The following P2RY2 variants were observed in gnomAD, a reference collection of about 807,000 sequenced individuals.
P2RY2 encodes the protein P2Y purinoceptor 2.
For missense variants in P2RY2, 567 were observed against 515.7 expected, an observed-to-expected ratio of 1.10 and a Z score of -0.96; for synonymous variants, 241 against 231.9, an observed-to-expected ratio of 1.04 and a Z score of -0.35.
At position 73,234,722 on chromosome 11, in the gene P2RY2, C is replaced by T. The variant is rs758215845; in HGVS notation, c.563C>T (p.Ala188Val). ...CGCGTAACCTGCCACGACACCTCGG[C>T]ACCCGAGCTCTTCAGCCGCTTCGTG... ...GGRVTCHDTS[A>V]PELFSRFVAY... The change falls in exon 3 of 3, where the codon GCA becomes GTA. Residue 188 changes from alanine to valine, a missense_variant. Physicochemically the swap from Ala to Val is moderately conservative, Grantham distance 64. Transcript: ENST00000393597. 1 of 1,608,944 alleles carries T rather than the reference C, an allele frequency of 6.2e-7. No individual in the cohort carries two copies. Among genetic ancestry groups the T allele is most frequent in the Non-Finnish European group, 8.5e-7 (1 of 1,179,484 alleles).
chr11:73,234,163 G>A lies in P2RY2; in HGVS notation c.4G>A (p.Ala2Thr). Reference sequence around the variant, plus strand: ...CCCCTCCCTTCCCTGCAGGGCGATGGCAGCAGACCTGGGCCCCTGGAATGA... The same window carrying A: ...CCCCTCCCTTCCCTGCAGGGCGATGACAGCAGACCTGGGCCCCTGGAATGA... MAADLGPWNDTI... is the reference protein window; with the variant it reads MTADLGPWNDTI... Residue 2 changes from alanine (A) to threonine (T), a missense_variant, in exon 3 of 3, where the codon GCA becomes ACA. Coordinates refer to ENST00000393597, the MANE Select transcript of P2RY2 (RefSeq NM_002564.4). 6.2e-7 allele frequency: 1 copy of A among 1,603,966 alleles called. No homozygotes were observed. The highest frequency in any genetic ancestry group is 8.5e-7 in the Non-Finnish European group (1 of 1,173,790).
At chr11:73,220,327 A>G (rs1862081961) in intron 1 of P2RY2, among the ~76,000 whole-genome samples, 1 of 152,214 alleles carries the variant, frequency 6.6e-6, no homozygotes, top group South Asian at 2.1e-4. Flanking sequence ...GAGGTGTTTC[A>G]TGGTCAGAGC....
chr11:73,228,637 C>T (rs1398581062), intron 2 of P2RY2, among the ~76,000 whole-genome samples: 1 of 152,198 alleles, frequency 6.6e-6, no homozygotes, highest in Admixed American at 6.5e-5. Context: ...AAGGCAGAGT[C>T]TCCTGGGCTC....
intron 1 of P2RY2, among the ~76,000 whole-genome samples, chr11:73,218,816 G>A (rs971434359): frequency 6.6e-6 from 1 of 152,178 alleles, no homozygotes; most frequent in Non-Finnish European, 1.5e-5. Flanking sequence ...GTGGCGTGAG[G>A]CGGTGGCCGG....
chr11:73,223,851 C>A (rs1041754602), intron 1 of P2RY2, among the ~76,000 whole-genome samples: 1 of 152,152 alleles, frequency 6.6e-6, no homozygotes, highest in Non-Finnish European at 1.5e-5. Flanking sequence ...GGTGGTCAAA[C>A]CCACACTGAC....
chr11:73,231,007 G>T (rs1862439207), intron 2 of P2RY2, among the ~76,000 whole-genome samples: 1 of 152,118 alleles, frequency 6.6e-6, no homozygotes, highest in Non-Finnish European at 1.5e-5. Context: ...TTGGCAGCAG[G>T]AACTGTCCTG....
chr11:73,222,596 G>A (rs1862152499), intron 1 of P2RY2, among the ~76,000 whole-genome samples: 1 of 152,048 alleles, frequency 6.6e-6, no homozygotes, highest in African/African-American at 2.4e-5. Flanking sequence ...CTCCACAGTA[G>A]CCGTATAAGA....
Position 73,234,273 on chromosome 11 carries a change from G to A in P2RY2, c.114G>A (p.Val38=). The change falls in exon 3 of 3, where the codon GTG becomes GTA. Residue 38 remains valine, a synonymous_variant. Coordinates refer to ENST00000393597, the MANE Select transcript of P2RY2 (RefSeq NM_002564.4). ...NEDFKYVLLP[V]SYGVVCVPGL... is the part of the protein sequence containing the mutation. The stretch of plus-strand genomic sequence containing the variant: ...ACTTCAAGTACGTGCTGCTGCCTGT[G>A]TCCTACGGCGTGGTGTGCGTGCCTG... 3 of 1,614,200 alleles carry A rather than the reference G, an allele frequency of 1.9e-6. No individual in the cohort carries two copies. Among genetic ancestry groups the A allele is most frequent in the Non-Finnish European group, 2.5e-6 (3 of 1,180,024 alleles).
intron 2 of P2RY2, among the ~76,000 whole-genome samples, chr11:73,230,969 G>T (rs1862437888): frequency 6.6e-6 from 1 of 152,138 alleles, no homozygotes; most frequent in South Asian, 2.1e-4. Context: ...AGTGGTTCCA[G>T]CAACAAGAGG....
At chr11:73,229,472 G>C (rs994228253) in intron 2 of P2RY2, among the ~76,000 whole-genome samples, 18 of 152,132 alleles carry the variant, frequency 1.2e-4, no homozygotes, top group African/African-American at 4.3e-4. Flanking sequence ...GAGACTTAAG[G>C]GAGGGGGCTG....
intron 1 of P2RY2, among the ~76,000 whole-genome samples, chr11:73,220,801 C>T (rs1862096174): frequency 6.6e-6 from 1 of 152,198 alleles, no homozygotes; most frequent in Non-Finnish European, 1.5e-5. Context: ...GCTGTGACTC[C>T]TCTGTTTCTG....
intron 1 of P2RY2, among the ~76,000 whole-genome samples, chr11:73,225,300 A>C (rs928724415): frequency 6.6e-6 from 1 of 152,150 alleles, no homozygotes; most frequent in Non-Finnish European, 1.5e-5. Flanking sequence ...CCACAAAGAG[A>C]AAGGCCCAGA....
intron 1 of P2RY2, among the ~76,000 whole-genome samples, chr11:73,225,421 GCCTT>G (rs1862250455): frequency 3.3e-5 from 5 of 152,176 alleles, no homozygotes; most frequent in Admixed American, 3.3e-4. Flanking sequence ...CCCCTTTCTG[GCCTT>G]AGTTTTTCTA....
At chr11:73,232,865 G>A (rs576833406) in intron 2 of P2RY2, among the ~76,000 whole-genome samples, 11 of 152,240 alleles carry the variant, frequency 7.2e-5, no homozygotes, top group Middle Eastern at 3.4e-3. Context: ...CTCCTGGGAC[G>A]TTAGGCACGT....
rs1335686864 is a variant in P2RY2, at chr11:73,235,214, T to A, written c.1055T>A (p.Val352Glu). 8 of 1,611,564 alleles carry A rather than the reference T, an allele frequency of 5.0e-6. No individual in the cohort carries two copies. The highest frequency in any genetic ancestry group is 6.8e-6 in the Non-Finnish European group (8 of 1,178,976). ...ACTGACATGCAGAGGATAGAAGATG[T>A]GTTGGGCAGCAGTGAGGACTCTAGG... ...DRTDMQRIEDVLGSSEDSRRT... is the reference protein window; with the variant it reads ...DRTDMQRIEDELGSSEDSRRT... The change falls in exon 3 of 3, where the codon GTG (valine) becomes GAG (glutamate). Residue 352 changes from valine to glutamate, a missense_variant. Transcript: ENST00000393597.
chr11:73,234,827 G>A lies in P2RY2; in HGVS notation c.668G>A (p.Arg223Gln), dbSNP rs748676309. 6.2e-6 allele frequency: 10 copies of A among 1,610,678 alleles called. No homozygotes were observed. The highest frequency in any genetic ancestry group is 4.5e-5 in the East Asian group (2 of 44,856). The change falls in exon 3 of 3, where the codon CGG (arginine) becomes CAG (glutamine). Residue 223 changes from arginine (R) to glutamine (Q), a missense_variant. Coordinates refer to ENST00000393597, the MANE Select transcript of P2RY2 (RefSeq NM_002564.4). ...CTTGTCTGTTACGTGCTCATGGCTC[G>A]GCGACTGCTAAAGCCAGCCTACGGG... ...VILVCYVLMARRLLKPAYGTS... is the reference protein window; with the variant it reads ...VILVCYVLMAQRLLKPAYGTS...
rs552359977 is a variant in P2RY2, at chr11:73,219,249, A to G, written c.-200+817A>G. ...GTTTTGGATCTAAGCTGAAATAATT[A>G]TGAGTTTTGAGGATCTGGGTGGAGA... is the stretch of plus-strand genomic sequence containing the variant. On this transcript the variant is annotated intron_variant, in intron 1 of 2. Coordinates refer to ENST00000393597, the MANE Select transcript of P2RY2 (RefSeq NM_002564.4). Among the ~76,000 whole-genome samples the G allele has an allele frequency of 3.5e-4, 54 of 152,314 alleles. 1 individual carries two copies. The highest frequency in any genetic ancestry group is 7.5e-4 in the African/African-American group (31 of 41,574).
In P2RY2 at chr11:73,234,592, G is replaced by A; in HGVS notation, c.433G>A (p.Gly145Ser). 2 of 1,570,332 alleles carry A rather than the reference G, an allele frequency of 1.3e-6. No homozygotes were observed. The highest frequency in any genetic ancestry group is 2.4e-5 in the South Asian group (2 of 82,638). ...VLRPLRSLRW[G>S]RARYARRVAG... ...ACGACCTCTGCGCTCCCTGCGCTGG[G>A]GCCGGGCCCGCTACGCTCGCCGGGT... The change falls in exon 3 of 3, where the codon GGC becomes AGC. Residue 145 changes from glycine to serine, a missense_variant. Transcript: ENST00000393597.
intron 1 of P2RY2, among the ~76,000 whole-genome samples, chr11:73,224,128 G>A (rs906625282): frequency 6.6e-6 from 1 of 152,194 alleles, no homozygotes; most frequent in Non-Finnish European, 1.5e-5. Context: ...TTACCCCTTA[G>A]CCATTTCCTC....
Sources: gnomAD v4.1 joint callset for allele counts (sites outside exome capture counted in the v4.1 genomes callset) on GRCh38, gnomAD v4.1.1 for gene constraint, MANE v1.5 for transcripts, NCBI Gene and HGNC (gene_info 2026-07-23, HGNC 2026-07-21) for gene names.